Variants in GPC5 observed in about 807,000 individuals in gnomAD.
GPC5 encodes glypican-5.
Under a neutral mutation model 53.9 loss-of-function variants are expected in GPC5, and 47 were observed. The observed-to-expected ratio is 0.87, with a 90% CI of 0.69 to 1.11. The LOEUF is 1.11. Ranked by LOEUF, GPC5 falls within the 50% of genes most tolerant of loss-of-function variation. The pLI is 0.00. For missense variants in GPC5, 748 were observed against 713.1 expected, an observed-to-expected ratio of 1.05 and a Z score of -0.56; for synonymous variants, 286 against 263.3, an observed-to-expected ratio of 1.09 and a Z score of -0.84.
At chr13:91,577,834 C>A (rs2032195202) in intron 2 of GPC5, among the ~76,000 whole-genome samples, 1 of 152,142 alleles carries the variant, frequency 6.6e-6, no homozygotes, top group African/African-American at 2.4e-5. Flanking sequence ...ATATTGGTGG[C>A]TATATGTGGT....
chr13:92,192,672 G>T (rs9523531), intron 7 of GPC5, among the ~76,000 whole-genome samples: 76,926 of 151,894 alleles, frequency 0.51, 19,799 homozygotes, highest in Middle Eastern at 0.68. Flanking sequence ...ATTAATTTTA[G>T]CTGACAAGGG....
At chr13:92,338,987 G>A (rs2139245571) in intron 7 of GPC5, among the ~76,000 whole-genome samples, 1 of 152,082 alleles carries the variant, frequency 6.6e-6, no homozygotes, top group African/African-American at 2.4e-5. Flanking sequence ...TGTGAAGGCA[G>A]GAGGTATGTG....
intron 1 of GPC5, among the ~76,000 whole-genome samples, chr13:91,426,553 C>G (rs1021256582): frequency 6.6e-6 from 1 of 152,170 alleles, no homozygotes; most frequent in African/African-American, 2.4e-5. Context: ...AACAGTGCAG[C>G]CTTCAGTCTG....
chr13:92,277,921 A>C (rs980836629), intron 7 of GPC5, among the ~76,000 whole-genome samples: 3 of 151,896 alleles, frequency 2.0e-5, no homozygotes, highest in African/African-American at 7.2e-5. Context: ...ATATATACTT[A>C]ATTTACTATG....
At chr13:91,721,669 A>G (rs1364456667) in intron 3 of GPC5, among the ~76,000 whole-genome samples, 1 of 152,028 alleles carries the variant, frequency 6.6e-6, no homozygotes, top group Non-Finnish European at 1.5e-5. Flanking sequence ...ACTATGTGGC[A>G]TTTTTCAGTT....
chr13:91,690,297 T>A (rs181848586), intron 2 of GPC5, among the ~76,000 whole-genome samples: 1 of 152,306 alleles, frequency 6.6e-6, no homozygotes, highest in East Asian at 1.9e-4. Context: ...CTAATATGAT[T>A]CCTGAAGTTA....
At chr13:92,348,263 A>G (rs1039161920) in intron 7 of GPC5, among the ~76,000 whole-genome samples, 2 of 151,810 alleles carry the variant, frequency 1.3e-5, no homozygotes, top group African/African-American at 4.8e-5. Flanking sequence ...CTGAAAATAA[A>G]GGGATGGAAA....
intron 6 of GPC5, among the ~76,000 whole-genome samples, chr13:92,007,827 A>G (rs2040620974): frequency 2.0e-5 from 3 of 152,114 alleles, no homozygotes; most frequent in Admixed American, 1.3e-4. Context: ...CTTTTAAAAT[A>G]TGGTCGCTCA....
At chr13:91,494,497 T>C (rs1431885020) in intron 2 of GPC5, among the ~76,000 whole-genome samples, 1 of 152,134 alleles carries the variant, frequency 6.6e-6, no homozygotes, top group East Asian at 1.9e-4. Context: ...TTTCATGGAA[T>C]AAAAAATGTC....
chr13:91,696,276 G>A (rs552380225), intron 3 of GPC5, among the ~76,000 whole-genome samples: 3 of 152,286 alleles, frequency 2.0e-5, no homozygotes, highest in Non-Finnish European at 4.4e-5. Flanking sequence ...TTTTCAAAGA[G>A]AGTGCTCTTT....
At position 92,334,038 on chromosome 13, in the gene GPC5, A is replaced by G. The variant is rs374507435; in HGVS notation, c.1561+189049A>G. 2.6e-5 allele frequency among the ~76,000 whole-genome samples: 4 copies of G among 152,340 alleles called. No homozygotes were observed. The South Asian group carries it at 6.2e-4, about 24-fold the overall frequency. ...ATTAAGCATCATACTGGAAGAAATG[A>G]AAGAACTGACAAAACCCCCTGGAAC... is the stretch of plus-strand genomic sequence containing the variant. On this transcript the variant is annotated intron_variant, in intron 7 of 7. Transcript: ENST00000377067.
At chr13:92,456,956 A>G (rs1450018488) in intron 7 of GPC5, among the ~76,000 whole-genome samples, 2 of 152,062 alleles carry the variant, frequency 1.3e-5, no homozygotes, top group Non-Finnish European at 2.9e-5. Context: ...TCCAGGTACT[A>G]AGAATAGTAC....
At chr13:92,200,681 T>C (rs1018764219) in intron 7 of GPC5, among the ~76,000 whole-genome samples, 6 of 152,230 alleles carry the variant, frequency 3.9e-5, no homozygotes, top group Non-Finnish European at 8.8e-5. Context: ...CTTCATTTTG[T>C]AAAACCATGG....
chr13:92,280,498 T>C (rs1422697088), intron 7 of GPC5, among the ~76,000 whole-genome samples: 1 of 152,186 alleles, frequency 6.6e-6, no homozygotes, highest in African/African-American at 2.4e-5. Context: ...AGCTGTAAGT[T>C]TCCCTTCAAG....
chr13:92,031,704 A>G (rs1417280419), intron 6 of GPC5, among the ~76,000 whole-genome samples: 1 of 67,016 alleles, frequency 1.5e-5, no homozygotes, highest in South Asian at 3.4e-4. Flanking sequence ...ATAATATATT[A>G]TATATATTAC....
At chr13:92,536,771 T>C (rs1881737927) in intron 7 of GPC5, among the ~76,000 whole-genome samples, 1 of 152,048 alleles carries the variant, frequency 6.6e-6, no homozygotes, top group Non-Finnish European at 1.5e-5. Flanking sequence ...ATAAATTTAA[T>C]TCAAAAAGAC....
chr13:92,704,798 TAC>T (rs555429694), intron 7 of GPC5, among the ~76,000 whole-genome samples: 22 of 149,736 alleles, frequency 1.5e-4, no homozygotes, highest in Middle Eastern at 3.5e-3. Flanking sequence ...TATATACATA[TAC>T]ACACACACAT....
chr13:91,889,877 G>C (rs1320857537), intron 5 of GPC5, among the ~76,000 whole-genome samples: 1 of 152,154 alleles, frequency 6.6e-6, no homozygotes, highest in Non-Finnish European at 1.5e-5. Flanking sequence ...ACAATGATAA[G>C]TGCATCCTGG....
intron 6 of GPC5, among the ~76,000 whole-genome samples, chr13:92,001,676 G>A (rs1007749046): frequency 1.3e-5 from 2 of 152,088 alleles, no homozygotes; most frequent in African/African-American, 4.8e-5. Flanking sequence ...AATGTAAAAA[G>A]TATTGTAAAA....
Sources: gnomAD v4.1 joint callset for allele counts (sites outside exome capture counted in the v4.1 genomes callset) on GRCh38, gnomAD v4.1.1 for gene constraint, MANE v1.5 for transcripts, NCBI Gene and HGNC (gene_info 2026-07-23, HGNC 2026-07-21) for gene names.